CTSH: variants seen among roughly 807,000 people sequenced by gnomAD.
CTSH encodes the protein pro-cathepsin H.
Under a neutral mutation model 56.3 loss-of-function variants are expected in CTSH, and 52 were observed. The observed-to-expected ratio is 0.92, with a 90% CI of 0.74 to 1.16. CTSH has a LOEUF of 1.16. CTSH is among the 50% of genes most tolerant of loss of function. CTSH has a pLI of 0.00. For missense variants in CTSH, 406 were observed against 424.5 expected, an observed-to-expected ratio of 0.96 and a Z score of 0.38; for synonymous variants, 174 against 155.7, an observed-to-expected ratio of 1.12 and a Z score of -0.88.
In CTSH at chr15:78,925,416, C is replaced by G. The variant is rs1302734137; in HGVS notation, c.724G>C (p.Ala242Pro). The part of the protein sequence containing the change: ...TIYDEEAMVE[A>P]VALYNPVSFA... ...CTCACAGGGTTGTAGAGGGCCACAG[C>G]CTCCACCATCGCTTCCTCGTCATAC... is the stretch of plus-strand genomic sequence containing the variant. The change falls in exon 10 of 12, where the codon GCT (alanine) becomes CCT (proline). Residue 242 changes from alanine (A) to proline (P), a missense_variant. Ala to Pro is a conservative substitution (Grantham distance 27, BLOSUM62 -1). Transcript: ENST00000220166. The G allele has an allele frequency of 6.2e-7, 1 of 1,613,596 alleles. No individual in the cohort carries two copies. Among genetic ancestry groups the G allele is most frequent in the African/African-American group, 1.3e-5 (1 of 74,934 alleles).
At chr15:78,929,623 G>T in intron 7 of CTSH, 130 bp from the exon 8 acceptor site, 1 of 597,636 alleles carries the variant, frequency 1.7e-6, no homozygotes, top group Non-Finnish European at 2.9e-6. Flanking sequence ...CAGTGGCAGA[G>T]GGGGTCTCTG....
chr15:78,930,221 C>T (rs2055021101), intron 7 of CTSH, among the ~76,000 whole-genome samples: 1 of 152,206 alleles, frequency 6.6e-6, no homozygotes, highest in African/African-American at 2.4e-5. Context: ...TGAACCAAAG[C>T]AAATAGACTC....
intron 1 of CTSH, among the ~76,000 whole-genome samples, chr15:78,939,520 G>A (rs1356926860): frequency 1.3e-5 from 2 of 152,166 alleles, no homozygotes; most frequent in Middle Eastern, 3.2e-3. Flanking sequence ...GAGAAAATTC[G>A]TGGAAATGCA....
chr15:78,940,574 A>G (rs1044953339), intron 1 of CTSH, among the ~76,000 whole-genome samples: 2 of 151,858 alleles, frequency 1.3e-5, no homozygotes, highest in Admixed American at 6.6e-5. Context: ...TAAGATTGTT[A>G]TATCATTCTT....
chr15:78,929,325 G>A, intron 8 of CTSH, 87 bp downstream of exon 8: 1 of 1,004,082 alleles, frequency 1.0e-6, no homozygotes, highest in Middle Eastern at 2.1e-4. Flanking sequence ...GAGGTGGGGG[G>A]AGAAGGGATG....
intron 1 of CTSH, 85 bp from the exon 2 acceptor site, chr15:78,939,256 T>A (rs1596289357): frequency 8.9e-7 from 1 of 1,129,372 alleles, no homozygotes; most frequent in African/African-American, 1.6e-5. Context: ...AGAACTGATT[T>A]GCATTTTCGA....
intron 1 of CTSH, among the ~76,000 whole-genome samples, chr15:78,942,615 G>A (rs34593439): frequency 0.1 from 15,425 of 152,204 alleles, 815 homozygotes; most frequent in South Asian, 0.14. Flanking sequence ...AGATATGAAC[G>A]ATTTATTACC....
At chr15:78,936,042 C>T (rs533087991) in intron 3 of CTSH, among the ~76,000 whole-genome samples, 1 of 152,202 alleles carries the variant, frequency 6.6e-6, no homozygotes, top group East Asian at 1.9e-4. Flanking sequence ...TTTTTAGATA[C>T]TCCCCTCGTG....
chr15:78,932,011 G>A (rs555446854), intron 6 of CTSH: 47 of 1,172,676 alleles, frequency 4.0e-5, no homozygotes, highest in African/African-American at 1.6e-5. Flanking sequence ...CATAGGTCCC[G>A]GCTCTTCCCT....
Position 78,944,953 on chromosome 15 carries a change from G to C in CTSH, c.29C>G (p.Ala10Gly). The C allele has an allele frequency of 6.5e-7, 1 of 1,546,596 alleles. No individual in the cohort carries two copies. The highest frequency in any genetic ancestry group is 2.5e-5 in the East Asian group (1 of 40,684). The change falls in exon 1 of 12, where the codon GCC becomes GGC. Residue 10 changes from alanine (A) to glycine (G), a missense_variant. Physicochemically the swap from Ala to Gly is moderately conservative, Grantham distance 60. Transcript: ENST00000220166. ...GGGGACTCCCAGGAGCCAGGCCCCG[G>C]CGCAGAGCAGCGGCAGCGTGGCCCA... MWATLPLLC[A>G]GAWLLGVPVC...
At chr15:78,925,633 A>G (rs1269415964) in intron 9 of CTSH, 193 bp from the exon 10 acceptor site, 2 of 524,386 alleles carry the variant, frequency 3.8e-6, no homozygotes, top group Non-Finnish European at 7.0e-6. Context: ...CCTCTCCCCA[A>G]CTCTGCTCCT....
intron 8 of CTSH, 126 bp from the exon 9 acceptor site, chr15:78,927,907 A>G: frequency 1.3e-6 from 1 of 761,410 alleles, no homozygotes; most frequent in South Asian, 1.6e-5. Context: ...GGATAATTTC[A>G]GAGAGAATTA....
At chr15:78,923,437 C>T (rs763503110) in intron 10 of CTSH, among the ~76,000 whole-genome samples, 1 of 152,198 alleles carries the variant, frequency 6.6e-6, no homozygotes, top group Non-Finnish European at 1.5e-5. Flanking sequence ...TACAGGCGTG[C>T]ACCACCACAC....
intron 1 of CTSH, among the ~76,000 whole-genome samples, chr15:78,940,649 A>T (rs993585198): frequency 2.6e-5 from 4 of 152,204 alleles, no homozygotes; most frequent in Non-Finnish European, 5.9e-5. Flanking sequence ...TAACATGAAC[A>T]AACTTTTCTA....
chr15:78,944,986 G>C lies in CTSH; in HGVS notation c.-5C>G. ...CAGCGGCAGCGTGGCCCACATCGCAGCGCTGGCGGCTTGGCTCTTGCGCTC... is the reference window on the plus strand; with the variant it reads ...CAGCGGCAGCGTGGCCCACATCGCACCGCTGGCGGCTTGGCTCTTGCGCTC... On this transcript the variant is annotated 5_prime_UTR_variant, in exon 1 of 12. Coordinates refer to ENST00000220166, the MANE Select transcript of CTSH (RefSeq NM_004390.5). 6.5e-7 allele frequency: 1 copy of C among 1,531,118 alleles called. No individual in the cohort carries two copies. The highest frequency in any genetic ancestry group is 1.8e-4 in the Middle Eastern group (1 of 5,596). 94.8% of individuals were successfully genotyped at this position (1,531,118 alleles called of 1,614,324 possible). A position where few individuals can be genotyped will look rare whatever the true frequency, so the allele number is the denominator to read the frequency against.
intron 5 of CTSH, among the ~76,000 whole-genome samples, chr15:78,934,288 C>A (rs2055126521): frequency 6.6e-6 from 1 of 152,200 alleles, no homozygotes; most frequent in South Asian, 2.1e-4. Context: ...AGGAAGGAAA[C>A]CTTCACCTCA....
chr15:78,940,823 G>T (rs1329602976), intron 1 of CTSH, among the ~76,000 whole-genome samples: 2 of 152,192 alleles, frequency 1.3e-5, no homozygotes, highest in Non-Finnish European at 2.9e-5. Context: ...GCTGGGCATG[G>T]TGGCAGGCGC....
At chr15:78,925,770 C>T in intron 9 of CTSH, 1 of 256,104 alleles carries the variant, frequency 3.9e-6, no homozygotes, top group African/African-American at 2.2e-5. Flanking sequence ...ACCCATAAAC[C>T]CAGAGTCTAC....
intron 1 of CTSH, among the ~76,000 whole-genome samples, chr15:78,943,975 C>G (rs1227882580): frequency 6.6e-6 from 1 of 152,206 alleles, no homozygotes; most frequent in Non-Finnish European, 1.5e-5. Context: ...ATGAGGCAAC[C>G]CTCTGGCCCA....
Sources: allele counts gnomAD v4.1 joint callset (sites outside exome capture counted in the v4.1 genomes callset), GRCh38; gene constraint gnomAD v4.1.1; transcripts MANE v1.5; gene names NCBI Gene and HGNC (gene_info 2026-07-23, HGNC 2026-07-21).